The following GRM7 variants were observed in gnomAD, a reference collection of about 807,000 sequenced individuals.
GRM7 encodes glutamate metabotropic receptor 7.
GRM7 carries 35 observed loss-of-function variants against 84.5 expected under a neutral mutation model. The observed-to-expected ratio is 0.41, with a 90% CI of 0.32 to 0.55. The LOEUF (loss-of-function observed/expected upper bound fraction) is 0.55. Among genes scored for constraint, GRM7 ranks in the 20% least tolerant of loss-of-function variants. The pLI is 0.19. For synonymous variants in GRM7, 487 were observed against 455.1 expected (o/e 1.07, Z -0.89); for missense variants, 1,003 against 1,194.6 (o/e 0.84, Z 2.36).
intron 4 of GRM7, among the ~76,000 whole-genome samples, chr3:7,316,111 T>A (rs760016424): frequency 3.8e-4 from 57 of 150,556 alleles, no homozygotes; most frequent in Admixed American, 1.2e-3. Flanking sequence ...ACTGCCAGGG[T>A]CCTAATGAAG....
At chr3:7,306,431 T>G (rs1575146489) in intron 3 of GRM7, 67 bp from the exon 4 acceptor site, 2 of 1,381,776 alleles carry the variant, frequency 1.4e-6, no homozygotes, top group East Asian at 4.6e-5. Flanking sequence ...TTTGCTGACT[T>G]GCAATCTACA....
intron 4 of GRM7, among the ~76,000 whole-genome samples, chr3:7,341,699 G>C (rs1044462777): frequency 6.6e-6 from 1 of 152,090 alleles, no homozygotes; most frequent in East Asian, 1.9e-4. Context: ...CTTATAGTTT[G>C]TCCCAGTAAT....
chr3:6,945,188 A>C (rs1698021632), intron 1 of GRM7, among the ~76,000 whole-genome samples: 1 of 151,942 alleles, frequency 6.6e-6, no homozygotes, highest in South Asian at 2.1e-4. Context: ...CATTAGTTAT[A>C]TCTCCTAATG....
At chr3:7,539,126 G>A (rs562901354) in intron 7 of GRM7, among the ~76,000 whole-genome samples, 1 of 152,074 alleles carries the variant, frequency 6.6e-6, no homozygotes, top group South Asian at 2.1e-4. Context: ...AAAGGTAATA[G>A]ACCATGTCTC....
chr3:7,414,938 G>GA (rs919699627), intron 4 of GRM7, 85 bp from the exon 5 acceptor site: 703 of 1,024,924 alleles, frequency 6.9e-4, no homozygotes, highest in Non-Finnish European at 7.9e-4. Flanking sequence ...CTGAAACAAA[G>GA]AAAAAAAAAG....
chr3:7,379,918 C>G (rs891079777), intron 4 of GRM7, among the ~76,000 whole-genome samples: 1 of 152,174 alleles, frequency 6.6e-6, no homozygotes, highest in Non-Finnish European at 1.5e-5. Context: ...GCCGCCTTCC[C>G]TTCATCATCA....
At chr3:7,440,434 A>T (rs557943794) in intron 5 of GRM7, among the ~76,000 whole-genome samples, 1 of 152,296 alleles carries the variant, frequency 6.6e-6, no homozygotes, top group African/African-American at 2.4e-5. Context: ...AGTTGCAATC[A>T]CTAGAGCTAG....
chr3:7,406,548 CAATCA>C (rs1333511098), intron 4 of GRM7, among the ~76,000 whole-genome samples: 1 of 151,976 alleles, frequency 6.6e-6, no homozygotes, highest in East Asian at 1.9e-4. Context: ...TAGAATGATA[CAATCA>C]AATCAAATGA....
At chr3:7,544,841 A>G (rs1249824266) in intron 7 of GRM7, among the ~76,000 whole-genome samples, 1 of 152,174 alleles carries the variant, frequency 6.6e-6, no homozygotes, top group East Asian at 1.9e-4. Flanking sequence ...TTGTATATCA[A>G]TTTCTGCAAT....
rs948631633 is a variant in GRM7 at position 6,863,491 on chromosome 3, C to G, written c.519+1584C>G. 1.3e-5 allele frequency among the ~76,000 whole-genome samples: 2 copies of G among 152,136 alleles called. No homozygotes were observed. The highest frequency in any genetic ancestry group is 1.5e-5 in the Non-Finnish European group (1 of 68,032). On this transcript the variant is annotated intron_variant, in intron 1 of 9. Coordinates refer to ENST00000357716, the MANE Select transcript of GRM7 (RefSeq NM_000844.4). This position sits in a 1 kb window ranked among gnomAD's most constrained non-coding sequence, Gnocchi z 4.8. Reference sequence around the variant, plus strand: ...ATCCAAGGCTGCAGCTTGCATGGCCCCTCTGATCCTCTGAGCATCTCTGAC... The same window carrying G: ...ATCCAAGGCTGCAGCTTGCATGGCCGCTCTGATCCTCTGAGCATCTCTGAC...
chr3:7,530,076 T>C (rs958193160), intron 7 of GRM7, among the ~76,000 whole-genome samples: 2 of 151,618 alleles, frequency 1.3e-5, no homozygotes, highest in Admixed American at 6.6e-5. Context: ...TTTCTCCTAA[T>C]GCTATCCCTC....
intron 1 of GRM7, among the ~76,000 whole-genome samples, chr3:7,057,231 CT>C (rs1697258885): frequency 1.3e-5 from 2 of 151,832 alleles, no homozygotes; most frequent in African/African-American, 2.4e-5. Flanking sequence ...TTTCAGAGTG[CT>C]TAAGGGAATG....
intron 1 of GRM7, among the ~76,000 whole-genome samples, chr3:7,140,705 C>T (rs1693918696): frequency 6.6e-6 from 1 of 151,828 alleles, no homozygotes; most frequent in African/African-American, 2.4e-5. Context: ...AATAGCTTTA[C>T]CTGGATATCC....
intron 7 of GRM7, among the ~76,000 whole-genome samples, chr3:7,531,866 A>G (rs1236598600): frequency 6.6e-6 from 1 of 152,120 alleles, no homozygotes; most frequent in Admixed American, 6.6e-5. Flanking sequence ...GAGAGAGGGC[A>G]TCCTTGTCTT....
chr3:6,895,004 A>T (rs996649073), intron 1 of GRM7, among the ~76,000 whole-genome samples: 1 of 152,132 alleles, frequency 6.6e-6, no homozygotes, highest in Non-Finnish European at 1.5e-5. Context: ...TCTGTTTAAG[A>T]TTGTCTTTAT....
At chr3:7,247,800 G>T (rs1258650798) in intron 2 of GRM7, among the ~76,000 whole-genome samples, 1 of 151,868 alleles carries the variant, frequency 6.6e-6, no homozygotes. Flanking sequence ...GTAAGGAAAG[G>T]TCAAAGACCT....
chr3:7,103,749 C>CCTTTCTTTCTTTCTTTCCCTTTCTTT (rs1699188648), intron 1 of GRM7, among the ~76,000 whole-genome samples: 1 of 96,662 alleles, frequency 1.0e-5, no homozygotes. Flanking sequence ...TCTCTCTCTC[C>CCTTTCTTTCTTTCTTTCCCTTTCTTT]CTTTCTTTCT....
At chr3:7,180,539 A>G (rs1168373352) in intron 2 of GRM7, among the ~76,000 whole-genome samples, 1 of 152,148 alleles carries the variant, frequency 6.6e-6, no homozygotes. Flanking sequence ...TAATTTGTTC[A>G]TATCACAGTG....
At chr3:7,494,082 TTTG>T (rs1369210520) in intron 7 of GRM7, among the ~76,000 whole-genome samples, 2 of 152,154 alleles carry the variant, frequency 1.3e-5, no homozygotes, top group African/African-American at 4.8e-5. Context: ...ATATTTCTAC[TTTG>T]TTGTTACTTA....
Sources: allele counts gnomAD v4.1 joint callset (sites outside exome capture counted in the v4.1 genomes callset), GRCh38; gene constraint gnomAD v4.1.1; non-coding constraint Gnocchi (gnomAD v3.1); transcripts MANE v1.5; gene names NCBI Gene and HGNC (gene_info 2026-07-23, HGNC 2026-07-21).